Variants in VDR observed in about 807,000 individuals in gnomAD.
The protein encoded by VDR is vitamin D receptor, also known as vitamin D3 receptor.
Under a neutral mutation model 39.7 loss-of-function variants are expected in VDR, and 19 were observed. The observed-to-expected ratio is 0.48, with a 90% CI of 0.33 to 0.70. VDR has a LOEUF of 0.70. VDR is among the 30% of genes least tolerant of loss of function. The pLI is 0.02. For synonymous variants in VDR, 242 were observed against 215.8 expected (o/e 1.12, Z -1.07); for missense variants, 442 against 570.5 (o/e 0.77, Z 2.29).
intron 1 of VDR, among the ~76,000 whole-genome samples, chr12:47,890,279 T>A (rs1189230930): frequency 1.3e-5 from 2 of 150,938 alleles, no homozygotes; most frequent in Non-Finnish European, 2.9e-5. Context: ...CATGAGGGAC[T>A]ATTTCAACTG....
At position 47,885,746 on chromosome 12, in the gene VDR, G is replaced by C. The variant is rs112757594; in HGVS notation, c.-83-2972C>G. Among the ~76,000 whole-genome samples, 583 of 152,254 alleles carry C rather than the reference G, an allele frequency of 3.8e-3. 7 individuals carry two copies. The highest frequency in any genetic ancestry group is 0.014 in the Middle Eastern group (4 of 294). ...AAGGTCTCCTCTGTTACCCAGGCTA[G>C]AGTGCAGTTGCACAATCACAGCTCA... is the stretch of plus-strand genomic sequence containing the variant. On this transcript the variant is annotated intron_variant, in intron 1 of 9. Coordinates refer to ENST00000549336, the MANE Select transcript of VDR (RefSeq NM_000376.3).
chr12:47,848,129 C>T (rs1207451269), intron 7 of VDR, among the ~76,000 whole-genome samples: 1 of 152,126 alleles, frequency 6.6e-6, no homozygotes, highest in Non-Finnish European at 1.5e-5. Flanking sequence ...GTCTCGATCT[C>T]CTGACCTTGT....
intron 3 of VDR, among the ~76,000 whole-genome samples, chr12:47,866,172 A>C (rs1325181153): frequency 6.9e-6 from 1 of 145,200 alleles, no homozygotes; most frequent in Non-Finnish European, 1.5e-5. Flanking sequence ...CAGTGTTGCG[A>C]TCTCAGCTCA....
Position 47,844,878 on chromosome 12 carries a change from G to A in VDR, c.1152C>T (p.Ile384=), listed in dbSNP as rs753086299. 2.5e-6 allele frequency: 4 copies of A among 1,614,182 alleles called. No homozygotes were observed. The highest frequency in any genetic ancestry group is 3.4e-6 in the Non-Finnish European group (4 of 1,180,020). Residue 384 remains isoleucine (I), a synonymous_variant, in exon 10 of 10, where the codon ATC becomes ATT. Transcript: ENST00000549336. ...GGCTGCGCAGGTCGGCTAGCTTCTG[G>A]ATCATCTTGGCATAGAGCAGGTGGC... is the stretch of plus-strand genomic sequence containing the variant. ...PGSHLLYAKM[I]QKLADLRSLN...
At chr12:47,876,351 A>G (rs747158635) in intron 3 of VDR, among the ~76,000 whole-genome samples, 2 of 152,324 alleles carry the variant, frequency 1.3e-5, no homozygotes, top group South Asian at 2.1e-4. Context: ...CTCTTGAACA[A>G]TCCATAGATA....
In VDR at chr12:47,850,054, T is replaced by G. The variant is rs143073581; in HGVS notation, c.756-3246A>C. On this transcript the variant is annotated intron_variant, in intron 7 of 9. Coordinates refer to ENST00000549336, the MANE Select transcript of VDR (RefSeq NM_000376.3). ...TTAGTAGATATGGGGTTTCACCATG[T>G]TGGCCAGGCTGCTCTTGAATCCTGA... 2.2e-3 allele frequency among the ~76,000 whole-genome samples: 330 copies of G among 152,336 alleles called. 2 individuals are homozygous for G. Among genetic ancestry groups the G allele is most frequent in the Admixed American group, 6.1e-3 (94 of 15,298 alleles).
At chr12:47,863,047 G>A (rs1292037553) in intron 4 of VDR, among the ~76,000 whole-genome samples, 4 of 152,204 alleles carry the variant, frequency 2.6e-5, no homozygotes, top group Non-Finnish European at 5.9e-5. Context: ...AGGCTGGGGT[G>A]GGCGTGGCTG....
intron 1 of VDR, among the ~76,000 whole-genome samples, chr12:47,893,499 A>C (rs576648109): frequency 1.9e-4 from 29 of 152,328 alleles, no homozygotes; most frequent in Middle Eastern, 3.4e-3. Flanking sequence ...AAATCAAAAG[A>C]AAGAACAAAT....
chr12:47,882,243 G>T (rs1405595496), intron 2 of VDR, among the ~76,000 whole-genome samples: 1 of 152,096 alleles, frequency 6.6e-6, no homozygotes. Context: ...CCATTTCAGG[G>T]GAGCTGACAG....
rs546879302 is a variant in VDR at position 47,888,164 on chromosome 12, T to C, written c.-83-5390A>G. Among the ~76,000 whole-genome samples, 4 of 152,300 alleles carry C rather than the reference T, an allele frequency of 2.6e-5. No individual in the cohort carries two copies. In the South Asian group the frequency reaches 8.3e-4, roughly 32 times the overall value. On this transcript the variant is annotated intron_variant, in intron 1 of 9. Transcript: ENST00000549336. ...AAGAAGCAAAAGTGGAAACCCCTGC[T>C]AAACCCATCAGATCTCATAAGGCTT...
Position 47,904,976 on chromosome 12 carries a change from C to A in VDR, c.-105G>T. The A allele has an allele frequency of 5.5e-6, 1 of 181,726 alleles. No homozygotes were observed. The allele number at this position is 181,726 out of a possible 1,614,324, so 11.3% of individuals were successfully genotyped here. A position where few individuals can be genotyped will look rare whatever the true frequency, so the allele number is the denominator to read the frequency against. On this transcript the variant is annotated 5_prime_UTR_variant, in exon 1 of 10. Coordinates refer to ENST00000549336, the MANE Select transcript of VDR (RefSeq NM_000376.3). The stretch of plus-strand genomic sequence containing the variant: ...GCACCTGGTCCGGCCGGCGGGTGGA[C>A]AAGCTGTTCCGCGCTCCCGGCGCAC...
In VDR at chr12:47,853,656, G is replaced by A. The variant is rs1203224204; in HGVS notation, c.755+1974C>T. 2.6e-5 allele frequency among the ~76,000 whole-genome samples: 4 copies of A among 152,148 alleles called. No homozygotes were observed. In the East Asian group the frequency reaches 7.7e-4, roughly 29 times the overall value. On this transcript the variant is annotated intron_variant, in intron 7 of 9. Coordinates refer to ENST00000549336, the MANE Select transcript of VDR (RefSeq NM_000376.3). Reference sequence around the variant, plus strand: ...TGTAATTTCTGCTACTCAGGAGGCTGAGGCAGGAGAATTGCTTGAACCCAG... The same window carrying A: ...TGTAATTTCTGCTACTCAGGAGGCTAAGGCAGGAGAATTGCTTGAACCCAG...
chr12:47,873,356 T>TTTC (rs1945926915), intron 3 of VDR, among the ~76,000 whole-genome samples: 1 of 44,334 alleles, frequency 2.3e-5, no homozygotes, highest in Non-Finnish European at 5.4e-5. Flanking sequence ...GTTTTCTTTT[T>TTTC]TTTTTTTTTT....
rs373646232 is a variant in VDR at position 47,865,201 on chromosome 12, C to G, written c.147-24G>C. 1.2e-4 allele frequency: 195 copies of G among 1,608,332 alleles called. No homozygotes were observed. In the African/African-American group the frequency reaches 2.4e-3, roughly 20 times the overall value. ...GCCTGCCGAGAGAGCACACACCCTG[C>G]CCTGGGTCACTGAACTTCCGGCTCC... On this transcript the variant is annotated intron_variant, in intron 3 of 9. Transcript: ENST00000549336.
In VDR at chr12:47,857,220, C is replaced by T; in HGVS notation, c.492G>A (p.Gly164=). ...RPPVRVNDGG[G]SHPSRPNSRH... ...TGGAGTTGGGCCTGGAAGGATGGCTCCCTCCACCATCATTCACACGAACTG... is the reference window on the plus strand; with the variant it reads ...TGGAGTTGGGCCTGGAAGGATGGCTTCCTCCACCATCATTCACACGAACTG... The change falls in exon 6 of 10, where the codon GGG becomes GGA. Residue 164 remains glycine, a synonymous_variant. Coordinates refer to ENST00000549336, the MANE Select transcript of VDR (RefSeq NM_000376.3). 6.2e-7 allele frequency: 1 copy of T among 1,614,158 alleles called. No individual in the cohort carries two copies. The highest frequency in any genetic ancestry group is 8.5e-7 in the Non-Finnish European group (1 of 1,180,030).
chr12:47,878,842 G>T (rs1355813457), intron 3 of VDR, 126 bp downstream of exon 3: 1 of 1,479,632 alleles, frequency 6.8e-7, no homozygotes, highest in Non-Finnish European at 9.2e-7. Context: ...CTGTGGCTGT[G>T]AGCGCCGCAT....
At chr12:47,866,337 C>T (rs1237333751) in intron 3 of VDR, among the ~76,000 whole-genome samples, 3 of 152,088 alleles carry the variant, frequency 2.0e-5, no homozygotes, top group East Asian at 1.9e-4. Context: ...CCTCATGATC[C>T]GCCTGCCTCG....
chr12:47,895,437 G>T (rs7965397), intron 1 of VDR, among the ~76,000 whole-genome samples: 103,251 of 152,180 alleles, frequency 0.68, 36,464 homozygotes, highest in African/African-American at 0.89. Flanking sequence ...AGGAGGGGAA[G>T]GTATTCTTGG....
At chr12:47,904,530 T>A (rs2137261892) in intron 1 of VDR, 1 of 1,485,922 alleles carries the variant, frequency 6.7e-7, no homozygotes, top group Non-Finnish European at 9.0e-7. Context: ...TGACCATACC[T>A]GGGCCCTGTA....
Sources: gnomAD v4.1 joint callset for allele counts (sites outside exome capture counted in the v4.1 genomes callset) on GRCh38, gnomAD v4.1.1 for gene constraint, MANE v1.5 for transcripts, NCBI Gene and HGNC (gene_info 2026-07-23, HGNC 2026-07-21) for gene names.